Variants in ZFPM2 observed in about 807,000 individuals in gnomAD.
ZFPM2 encodes the protein zinc finger protein ZFPM2.
ZFPM2 carries 20 observed loss-of-function variants against 98.6 expected under a neutral mutation model. That is an observed-to-expected ratio of 0.20 (90% confidence interval 0.14 to 0.29). The LOEUF (loss-of-function observed/expected upper bound fraction) is 0.29. ZFPM2 is among the 10% of genes least tolerant of loss of function. The pLI is 1.00. For synonymous variants in ZFPM2, 518 were observed against 502.7 expected (o/e 1.03, Z -0.41); for missense variants, 1,310 against 1,388.6 (o/e 0.94, Z 0.90).
chr8:105,780,765 A>C (rs562383557), intron 5 of ZFPM2, among the ~76,000 whole-genome samples: 61 of 152,310 alleles, frequency 4.0e-4, no homozygotes, highest in African/African-American at 1.3e-3. Context: ...CTGTAATCCC[A>C]GCAACTTGGG....
chr8:105,352,688 C>T (rs1156382595), intron 1 of ZFPM2, among the ~76,000 whole-genome samples: 1 of 152,004 alleles, frequency 6.6e-6, no homozygotes, highest in African/African-American at 2.4e-5. Flanking sequence ...TCTGGTTATC[C>T]TTTCTCAGAT....
chr8:105,459,553 C>A (rs977544765), intron 3 of ZFPM2, among the ~76,000 whole-genome samples: 4 of 152,086 alleles, frequency 2.6e-5, no homozygotes, highest in African/African-American at 9.7e-5. Context: ...TAATTTTTTT[C>A]CTCATGGTTT....
chr8:105,740,119 G>A (rs1367184635), intron 5 of ZFPM2, among the ~76,000 whole-genome samples: 2 of 151,938 alleles, frequency 1.3e-5, no homozygotes, highest in Admixed American at 6.6e-5. Context: ...AGGCTTTGCA[G>A]ACAGTCAAAA....
chr8:105,633,604 AG>A (rs1816791865), intron 4 of ZFPM2, among the ~76,000 whole-genome samples: 1 of 152,160 alleles, frequency 6.6e-6, no homozygotes, highest in South Asian at 2.1e-4. Flanking sequence ...TCTCAGAGCA[AG>A]GGATGTCATG....
At position 105,466,366 on chromosome 8, in the gene ZFPM2, A is replaced by T. The variant is rs574094080; in HGVS notation, c.301+21985A>T. Among the ~76,000 whole-genome samples the T allele has an allele frequency of 2.3e-4, 35 of 152,182 alleles. 1 individual carries two copies. The East Asian group carries it at 6.2e-3, about 27-fold the overall frequency. The stretch of plus-strand genomic sequence containing the variant: ...GTGTTGAATATTTTTAAAACAGTTT[A>T]AAACAACAAAACTTACTATAAATTA... On this transcript the variant is annotated intron_variant, in intron 3 of 7. Transcript: ENST00000407775.
intron 1 of ZFPM2, among the ~76,000 whole-genome samples, chr8:105,384,556 T>C (rs1810947818): frequency 6.6e-6 from 1 of 151,848 alleles, no homozygotes; most frequent in Non-Finnish European, 1.5e-5. Flanking sequence ...GGCAGACTCA[T>C]TGCCTTTCCT....
intron 3 of ZFPM2, among the ~76,000 whole-genome samples, chr8:105,515,112 A>T (rs919281714): frequency 6.6e-6 from 1 of 152,238 alleles, no homozygotes; most frequent in Non-Finnish European, 1.5e-5. Context: ...TACACTAAAC[A>T]AAATCTCTTG....
At chr8:105,378,668 C>T (rs1810780269) in intron 1 of ZFPM2, among the ~76,000 whole-genome samples, 1 of 152,116 alleles carries the variant, frequency 6.6e-6, no homozygotes, top group Admixed American at 6.5e-5. Flanking sequence ...ACTACAAGAG[C>T]ATCCTCATTA....
rs373309452 is a variant in ZFPM2 at position 105,803,060 on chromosome 8, T to C, written c.2978T>C (p.Ile993Thr). The C allele has an allele frequency of 9.9e-6, 16 of 1,613,666 alleles. No homozygotes were observed. Among genetic ancestry groups the C allele is most frequent in the Non-Finnish European group, 1.4e-5 (16 of 1,179,828 alleles). The change falls in exon 8 of 8, where the codon ATT becomes ACT. Residue 993 changes from isoleucine (I) to threonine (T), a missense_variant. Physicochemically the swap from Ile to Thr is moderately conservative, Grantham distance 89 (BLOSUM62 -1). Coordinates refer to ENST00000407775, the MANE Select transcript of ZFPM2 (RefSeq NM_012082.4). ...PYYGIKPSDY[I>T]SGSLVIHNTD... ...TATGGAATCAAGCCAAGTGATTATA[T>C]TTCTGGTTCTCTTGTCATCCATAAC...
chr8:105,547,149 TA>T (rs1814725381), intron 3 of ZFPM2, among the ~76,000 whole-genome samples: 1 of 152,196 alleles, frequency 6.6e-6, no homozygotes, highest in South Asian at 2.1e-4. Context: ...GAATTGTGCA[TA>T]ATGATTTCCA....
chr8:105,598,067 T>C (rs1408575235), intron 4 of ZFPM2, among the ~76,000 whole-genome samples: 382 of 102,464 alleles, frequency 3.7e-3, no homozygotes, highest in African/African-American at 0.012. Flanking sequence ...AAAAAAAACC[T>C]TTTTTTTTTT....
At chr8:105,690,969 G>A (rs1810865324) in intron 5 of ZFPM2, 1 of 152,040 alleles carries the variant, frequency 6.6e-6, no homozygotes, top group Non-Finnish European at 1.5e-5. Flanking sequence ...TTGCCTAAGA[G>A]TAACTCTTCC....
At chr8:105,651,029 T>G (rs1319416291) in intron 5 of ZFPM2, among the ~76,000 whole-genome samples, 2 of 152,186 alleles carry the variant, frequency 1.3e-5, no homozygotes, top group Non-Finnish European at 2.9e-5. Context: ...TCCATTGAAG[T>G]GACTCTTACA....
chr8:105,740,655 A>G (rs1264604139), intron 5 of ZFPM2, among the ~76,000 whole-genome samples: 2 of 150,886 alleles, frequency 1.3e-5, no homozygotes, highest in African/African-American at 4.9e-5. Context: ...AAATTAAGAC[A>G]TTGCCCTATC....
intron 1 of ZFPM2, among the ~76,000 whole-genome samples, chr8:105,373,200 G>C (rs1269422419): frequency 6.6e-6 from 1 of 152,100 alleles, no homozygotes; most frequent in Admixed American, 6.6e-5. Flanking sequence ...GAAAGCAGAG[G>C]ATCTAGAAAG....
chr8:105,734,321 C>T (rs1165180539), intron 5 of ZFPM2, among the ~76,000 whole-genome samples: 5 of 151,858 alleles, frequency 3.3e-5, no homozygotes, highest in East Asian at 1.9e-4. Flanking sequence ...AGTAGTTTTA[C>T]GTATCTTTTT....
At chr8:105,768,830 C>T (rs1812916615) in intron 5 of ZFPM2, among the ~76,000 whole-genome samples, 1 of 151,748 alleles carries the variant, frequency 6.6e-6, no homozygotes, top group Non-Finnish European at 1.5e-5. Context: ...CATACACACA[C>T]ACACACACGC....
chr8:105,763,750 G>A (rs188185255), intron 5 of ZFPM2, among the ~76,000 whole-genome samples: 1 of 151,928 alleles, frequency 6.6e-6, no homozygotes, highest in East Asian at 1.9e-4. Flanking sequence ...TTTTTAAAAG[G>A]CCACTTCTTT....
At chr8:105,418,261 G>A (rs1237665117) in intron 1 of ZFPM2, among the ~76,000 whole-genome samples, 1 of 152,062 alleles carries the variant, frequency 6.6e-6, no homozygotes, top group Non-Finnish European at 1.5e-5. Context: ...TGGATAAAAT[G>A]CCACATCACT....
Sources: allele counts gnomAD v4.1 joint callset (sites outside exome capture counted in the v4.1 genomes callset), GRCh38; gene constraint gnomAD v4.1.1; transcripts MANE v1.5; gene names NCBI Gene and HGNC (gene_info 2026-07-23, HGNC 2026-07-21).